ARID3A: variants seen among roughly 807,000 people sequenced by gnomAD.
The protein encoded by ARID3A is AT-rich interactive domain-containing protein 3A.
A neutral mutation model predicts 52.7 loss-of-function variants in ARID3A; 11 were observed. The observed-to-expected ratio is 0.21, with a 90% CI of 0.13 to 0.35. The LOEUF is 0.35. Ranked by LOEUF, ARID3A falls within the 10% of genes least tolerant of loss-of-function variation. ARID3A has a pLI of 1.00. For missense variants in ARID3A, 721 were observed against 838.5 expected, an observed-to-expected ratio of 0.86 and a Z score of 1.73; for synonymous variants, 404 against 359.4, an observed-to-expected ratio of 1.12 and a Z score of -1.40.
chr19:954,231 CG>C (rs2037866671), intron 3 of ARID3A, among the ~76,000 whole-genome samples: 1 of 152,132 alleles, frequency 6.6e-6, no homozygotes, highest in African/African-American at 2.4e-5. Context: ...GAGGGGCGGC[CG>C]GGGGACCTGG....
In ARID3A at chr19:929,449, A is replaced by T; in HGVS notation, c.-80A>T. ...CAGTGCGGCCGGGCCCCCTCCCCGC[A>T]GGGGCCGCCCCCGCCGCCCACCCCT... On this transcript the variant is annotated 5_prime_UTR_variant, in exon 2 of 9. Coordinates refer to ENST00000263620, the MANE Select transcript of ARID3A (RefSeq NM_005224.3). This position sits in a 1 kb window ranked among gnomAD's most constrained non-coding sequence, Gnocchi z 6.2. 2.2e-6 allele frequency: 2 copies of T among 906,030 alleles called. No homozygotes were observed. The highest frequency in any genetic ancestry group is 2.8e-6 in the Non-Finnish European group (2 of 707,876). 56.1% of individuals were successfully genotyped at this position (906,030 alleles called of 1,614,324 possible). A position where few individuals can be genotyped will look rare whatever the true frequency, so the allele number is the denominator to read the frequency against.
chr19:971,948 C>CA lies in ARID3A; in HGVS notation c.1665_1666insA (p.Gly556ArgfsTer35), dbSNP rs749997129. The CA allele has an allele frequency of 5.3e-5, 84 of 1,599,886 alleles. No individual in the cohort carries two copies. Among genetic ancestry groups the CA allele is most frequent in the African/African-American group, 1.5e-4 (11 of 73,114 alleles). On this transcript the variant is annotated frameshift_variant, in exon 9 of 9. Transcript: ENST00000263620. LOFTEE classifies it low-confidence loss of function (END_TRUNC). The stretch of plus-strand genomic sequence containing the variant: ...CCAACAAAGGAGGCGGCGGCGGCGG[C>CA]GGCAGCAGCAGCAACGCAGGCGGCC...
At chr19:946,733 C>T (rs903034613) in intron 3 of ARID3A, among the ~76,000 whole-genome samples, 8 of 151,776 alleles carry the variant, frequency 5.3e-5, no homozygotes, top group Non-Finnish European at 1.2e-4. Flanking sequence ...GAGCCACCGT[C>T]CCCGGCTAAT....
At chr19:968,750 C>T (rs1196684685) in intron 8 of ARID3A, 2 of 393,500 alleles carry the variant, frequency 5.1e-6, no homozygotes, top group Non-Finnish European at 9.2e-6. Flanking sequence ...GGATGGTTCA[C>T]ATTCCTAGTT....
chr19:939,039 T>G (rs2037491830), intron 3 of ARID3A, among the ~76,000 whole-genome samples: 2 of 151,254 alleles, frequency 1.3e-5, no homozygotes, highest in Admixed American at 1.3e-4. Context: ...CAAGTCATTC[T>G]CCTGCCTCAG....
chr19:971,965 C>T lies in ARID3A; in HGVS notation c.1682C>T (p.Ala561Val), dbSNP rs1158182095. The change falls in exon 9 of 9, where the codon GCA becomes GTA. Residue 561 changes from alanine to valine, a missense_variant. By Grantham distance (64) the Ala-to-Val change is moderately conservative. Around this residue, in one of 5 missense-constraint regions of ARID3A, gnomAD observed 297 missense variants for 343.2 expected, o/e 0.87. Transcript: ENST00000263620. ...GGCGGCGGCGGCAGCAGCAGCAACG[C>T]AGGCGGCCGGGGAGGAAACACCGGA... Reference protein sequence around the residue: ...GGGGGGSSSNAGGRGGNTGTS... With the variant: ...GGGGGGSSSNVGGRGGNTGTS... 1.2e-6 allele frequency: 2 copies of T among 1,601,352 alleles called. No individual in the cohort carries two copies. The highest frequency in any genetic ancestry group is 1.1e-5 in the South Asian group (1 of 90,400).
Position 960,218 on chromosome 19 carries a change from G to A in ARID3A, c.766+54G>A. On this transcript the variant is annotated intron_variant, in intron 4 of 8. Coordinates refer to ENST00000263620, the MANE Select transcript of ARID3A (RefSeq NM_005224.3). This position sits in a 1 kb window ranked among gnomAD's most constrained non-coding sequence, Gnocchi z 4.3. Reference sequence around the variant, plus strand: ...GGGAGGTCACAGAAACAGGGCTGTAGGAGGGGCCCTACTGGCTCCAGGTAT... The same window carrying A: ...GGGAGGTCACAGAAACAGGGCTGTAAGAGGGGCCCTACTGGCTCCAGGTAT... 1.3e-6 allele frequency: 2 copies of A among 1,524,122 alleles called. No homozygotes were observed. The highest frequency in any genetic ancestry group is 9.0e-7 in the Non-Finnish European group (1 of 1,112,810). 94.4% of individuals were successfully genotyped at this position (1,524,122 alleles called of 1,614,324 possible). A position where few individuals can be genotyped will look rare whatever the true frequency, so the allele number is the denominator to read the frequency against.
In ARID3A at chr19:964,520, G is replaced by A. The variant is rs2038106678; in HGVS notation, c.950+89G>A. 2.7e-6 allele frequency: 4 copies of A among 1,457,078 alleles called. No homozygotes were observed. In the East Asian group the frequency reaches 9.9e-5, roughly 36 times the overall value. The allele number at this position is 1,457,078 out of a possible 1,614,324, so 90.3% of individuals were successfully genotyped here. A position where few individuals can be genotyped will look rare whatever the true frequency, so the allele number is the denominator to read the frequency against. On this transcript the variant is annotated intron_variant, in intron 5 of 8. Coordinates refer to ENST00000263620, the MANE Select transcript of ARID3A (RefSeq NM_005224.3). This position sits in a 1 kb window ranked among gnomAD's most constrained non-coding sequence, Gnocchi z 5.7. ...CTGCAGAAGAGGGAGGGGGTGGTGG[G>A]CAGCTGCAGAGGAGGGGGCAGTGGG... is the stretch of plus-strand genomic sequence containing the variant.
In ARID3A at chr19:973,207, G is replaced by T. The variant is rs1346129139; in HGVS notation, c.*1142G>T. On this transcript the variant is annotated 3_prime_UTR_variant, in exon 9 of 9. Coordinates refer to ENST00000263620, the MANE Select transcript of ARID3A (RefSeq NM_005224.3). ...GGCTCACTGCAACCTGCACCTCCCA[G>T]GTGCAAGCGATTCTCCTGCCTCAGC... The T allele has an allele frequency of 6.0e-6, 1 of 165,358 alleles. No homozygotes were observed. The allele number at this position is 165,358 out of a possible 1,614,324, so 10.2% of individuals were successfully genotyped here.
chr19:957,815 G>A (rs994420626), intron 3 of ARID3A, among the ~76,000 whole-genome samples: 1 of 152,150 alleles, frequency 6.6e-6, no homozygotes, highest in African/African-American at 2.4e-5. Context: ...CTGCACTCCA[G>A]GCTGGGCAAC....
In ARID3A at chr19:941,589, A is replaced by G. The variant is rs900326310; in HGVS notation, c.693+8847A>G. 6.6e-6 allele frequency among the ~76,000 whole-genome samples: 1 copy of G among 151,878 alleles called. No individual in the cohort carries two copies. The highest frequency in any genetic ancestry group is 2.4e-5 in the African/African-American group (1 of 41,322). ...GCCCTGACGTCCTTTGTGAATGTCTATGTTGGGGTGATGATCTCCTGTGTG... is the reference window on the plus strand; with the variant it reads ...GCCCTGACGTCCTTTGTGAATGTCTGTGTTGGGGTGATGATCTCCTGTGTG... On this transcript the variant is annotated intron_variant, in intron 3 of 8. Coordinates refer to ENST00000263620, the MANE Select transcript of ARID3A (RefSeq NM_005224.3). This position sits in a 1 kb window ranked among gnomAD's most constrained non-coding sequence, Gnocchi z 6.9.
At position 960,082 on chromosome 19, in the gene ARID3A, A is replaced by G; in HGVS notation, c.694-10A>G. 6.2e-7 allele frequency: 1 copy of G among 1,610,398 alleles called. No individual in the cohort carries two copies. On this transcript the variant is annotated splice_polypyrimidine_tract_variant and intron_variant, in intron 3 of 8. Transcript: ENST00000263620. This position sits in a 1 kb window ranked among gnomAD's most constrained non-coding sequence, Gnocchi z 4.3. ...GCACCAACTAACCCATCCCCTCTCC[A>G]CCCTCACAGCTCTACGAACTCGACG... is the stretch of plus-strand genomic sequence containing the variant.
intron 4 of ARID3A, among the ~76,000 whole-genome samples, chr19:961,081 C>T (rs962457080): frequency 4.6e-5 from 7 of 152,210 alleles, no homozygotes; most frequent in African/African-American, 1.7e-4. Context: ...CCCAACCCCC[C>T]TGGACACTCC....
intron 6 of ARID3A, 119 bp downstream of exon 6, chr19:965,199 C>A (rs2038123808): frequency 2.4e-6 from 3 of 1,224,510 alleles, no homozygotes; most frequent in Non-Finnish European, 3.3e-6. Flanking sequence ...CTATAGTTGG[C>A]ATGGAAAAGG....
At position 929,470 on chromosome 19, in the gene ARID3A, C is replaced by A; in HGVS notation, c.-59C>A. On this transcript the variant is annotated 5_prime_UTR_variant, in exon 2 of 9. Coordinates refer to ENST00000263620, the MANE Select transcript of ARID3A (RefSeq NM_005224.3). This position sits in a 1 kb window ranked among gnomAD's most constrained non-coding sequence, Gnocchi z 6.2. Reference sequence around the variant, plus strand: ...CCGCAGGGGCCGCCCCCGCCGCCCACCCCTAGCGCCCGTGGTGGTGGTGGT... The same window carrying A: ...CCGCAGGGGCCGCCCCCGCCGCCCAACCCTAGCGCCCGTGGTGGTGGTGGT... 1 of 1,460,906 alleles carries A rather than the reference C, an allele frequency of 6.8e-7. No homozygotes were observed. Among genetic ancestry groups the A allele is most frequent in the Non-Finnish European group, 9.0e-7 (1 of 1,112,028 alleles). 90.5% of individuals were successfully genotyped at this position (1,460,906 alleles called of 1,614,324 possible). A position where few individuals can be genotyped will look rare whatever the true frequency, so the allele number is the denominator to read the frequency against.
intron 7 of ARID3A, among the ~76,000 whole-genome samples, chr19:967,668 A>T (rs2038187950): frequency 6.6e-6 from 1 of 152,164 alleles, no homozygotes; most frequent in Non-Finnish European, 1.5e-5. Flanking sequence ...TGTGACAGAC[A>T]CCGTCTACAC....
Position 929,899 on chromosome 19 carries a change from G to A in ARID3A, c.368+3G>A. 1 of 1,540,166 alleles carries A rather than the reference G, an allele frequency of 6.5e-7. No individual in the cohort carries two copies. The highest frequency in any genetic ancestry group is 8.7e-7 in the Non-Finnish European group (1 of 1,146,820). The stretch of plus-strand genomic sequence containing the variant: ...GACATGGCCTCCGACGAGGACATGT[G>A]AGTTGGGGTCTGGGGCAGGGCCTTC... On this transcript the variant is annotated splice_donor_region_variant and intron_variant, in intron 2 of 8. Transcript: ENST00000263620. This position sits in a 1 kb window ranked among gnomAD's most constrained non-coding sequence, Gnocchi z 6.2.
In ARID3A at chr19:960,246, C is replaced by T. The variant is rs2038011589; in HGVS notation, c.766+82C>T. 57 of 1,354,528 alleles carry T rather than the reference C, an allele frequency of 4.2e-5. 1 individual carries two copies. The South Asian group carries it at 6.4e-4, about 15-fold the overall frequency. The allele number at this position is 1,354,528 out of a possible 1,614,324, so 83.9% of individuals were successfully genotyped here. ...GGGGCCCTACTGGCTCCAGGTATGT[C>T]GGGGCGGTGGTGAGCACCCCGTGGC... On this transcript the variant is annotated intron_variant, in intron 4 of 8. Transcript: ENST00000263620. The surrounding 1 kb of genome is among the most constrained non-coding windows in gnomAD (Gnocchi z 4.3).
In ARID3A at chr19:973,437, G is replaced by A. The variant is rs2038323359; in HGVS notation, c.*1372G>A. On this transcript the variant is annotated 3_prime_UTR_variant, in exon 9 of 9. Coordinates refer to ENST00000263620, the MANE Select transcript of ARID3A (RefSeq NM_005224.3). ...CCGGTCTGGAAATCTTATCTAAAAA[G>A]TAGCAAGTGCTGGAAAAAGGGCCTG... 1.5e-5 allele frequency: 3 copies of A among 203,076 alleles called. No homozygotes were observed. The highest frequency in any genetic ancestry group is 3.0e-5 in the Non-Finnish European group (3 of 98,864). The allele number at this position is 203,076 out of a possible 1,614,324, so 12.6% of individuals were successfully genotyped here.
Sources: allele counts gnomAD v4.1 joint callset (sites outside exome capture counted in the v4.1 genomes callset), GRCh38; gene constraint gnomAD v4.1.1; regional missense constraint gnomAD v4.1.1; non-coding constraint Gnocchi (gnomAD v3.1); transcripts MANE v1.5; gene names NCBI Gene and HGNC (gene_info 2026-07-23, HGNC 2026-07-21).